The following EEF1AKMT1 variants were observed in gnomAD, a reference collection of about 807,000 sequenced individuals.
EEF1AKMT1 encodes the protein EEF1A lysine methyltransferase 1, also known as N-6 adenine-specific DNA methyltransferase 2 (putative).
EEF1AKMT1 carries 18 observed loss-of-function variants against 21.0 expected under a neutral mutation model. The ratio of observed to expected loss-of-function variants is 0.86; its 90% CI spans 0.59 to 1.27. The LOEUF (loss-of-function observed/expected upper bound fraction) is 1.27. Among genes scored for constraint, EEF1AKMT1 ranks in the 50% most tolerant of loss-of-function variants. The pLI is 0.00. For missense variants in EEF1AKMT1, 246 were observed against 258.6 expected (o/e 0.95, Z 0.33); for synonymous variants, 109 against 94.8 (o/e 1.15, Z -0.87).
rs1009601971 is a variant in EEF1AKMT1 at position 20,736,612 on chromosome 13, T to G, written c.227+1111A>C. ...AGGTTGCAGAGCCCTGGGAATAGGG[T>G]TTTTTTAAAAAAGAAGTTGAAATAT... On this transcript the variant is annotated intron_variant, in intron 3 of 4. Coordinates refer to ENST00000382758, the MANE Select transcript of EEF1AKMT1 (RefSeq NM_001318939.2). Among the ~76,000 whole-genome samples, 4 of 151,696 alleles carry G rather than the reference T, an allele frequency of 2.6e-5. No homozygotes were observed. The East Asian group carries it at 5.8e-4, about 22-fold the overall frequency.
At chr13:20,732,286 G>A (rs183671628) in intron 3 of EEF1AKMT1, among the ~76,000 whole-genome samples, 165 bp from the exon 4 acceptor site, 22 of 152,122 alleles carry the variant, frequency 1.4e-4, no homozygotes, top group African/African-American at 5.3e-4. Context: ...ACTTTATAGT[G>A]TCTCACTTTT....
At chr13:20,729,270 G>C (rs1386231858) in intron 4 of EEF1AKMT1, 54 bp from the exon 5 acceptor site, 1 of 1,609,922 alleles carries the variant, frequency 6.2e-7, no homozygotes, top group Non-Finnish European at 8.5e-7. Context: ...CCGGAGCTCA[G>C]TGCGTCCTGA....
intron 1 of EEF1AKMT1, among the ~76,000 whole-genome samples, chr13:20,772,891 G>A (rs1294567592): frequency 1.3e-5 from 2 of 152,192 alleles, no homozygotes; most frequent in Non-Finnish European, 2.9e-5. Context: ...ATTCTTGTGT[G>A]AAATTAGGTT....
intron 2 of EEF1AKMT1, among the ~76,000 whole-genome samples, chr13:20,738,811 A>T (rs2058844937): frequency 6.6e-6 from 1 of 152,238 alleles, no homozygotes. Flanking sequence ...AGTGGTTGCC[A>T]GGTGTTGGGA....
intron 4 of EEF1AKMT1, among the ~76,000 whole-genome samples, chr13:20,730,094 G>A (rs927784926): frequency 6.6e-6 from 1 of 152,234 alleles, no homozygotes; most frequent in Non-Finnish European, 1.5e-5. Flanking sequence ...GCAGATCCCT[G>A]GGTCTCTGTT....
chr13:20,738,844 C>T (rs1011148771), intron 2 of EEF1AKMT1, among the ~76,000 whole-genome samples: 3 of 152,186 alleles, frequency 2.0e-5, no homozygotes, highest in Admixed American at 6.5e-5. Flanking sequence ...TAGGAGGTGA[C>T]AGCTGAAAAA....
intron 2 of EEF1AKMT1, among the ~76,000 whole-genome samples, chr13:20,751,079 C>T (rs1449211283): frequency 2.6e-5 from 4 of 152,102 alleles, no homozygotes; most frequent in Non-Finnish European, 5.9e-5. Context: ...AGATACGAGT[C>T]CCTTGTCAGA....
chr13:20,738,436 G>A (rs1052910150), intron 2 of EEF1AKMT1, among the ~76,000 whole-genome samples: 3 of 152,188 alleles, frequency 2.0e-5, no homozygotes, highest in Non-Finnish European at 4.4e-5. Flanking sequence ...AATGGAAGAA[G>A]TAGCATGGTT....
Position 20,758,698 on chromosome 13 carries a change from G to A in EEF1AKMT1, c.-19-1081C>T, listed in dbSNP as rs925867870. ...CTAAAATTCATATGGAACTAAAAAAGAGAATGAATAGCCAAAGCAATCCTA... is the reference window on the plus strand; with the variant it reads ...CTAAAATTCATATGGAACTAAAAAAAAGAATGAATAGCCAAAGCAATCCTA... On this transcript the variant is annotated intron_variant, in intron 1 of 4. Transcript: ENST00000382758. Among the ~76,000 whole-genome samples the A allele has an allele frequency of 7.9e-5, 12 of 152,050 alleles. No homozygotes were observed. The East Asian group carries it at 2.3e-3, about 29-fold the overall frequency.
chr13:20,748,879 G>A (rs1012677940), intron 2 of EEF1AKMT1, among the ~76,000 whole-genome samples: 21 of 151,816 alleles, frequency 1.4e-4, no homozygotes, highest in African/African-American at 3.6e-4. Context: ...ACAGGCACGC[G>A]CCACCATACC....
At chr13:20,765,405 G>GTTTTTTTTTTTTTTTT (rs1171165259) in intron 1 of EEF1AKMT1, among the ~76,000 whole-genome samples, 5 of 58,700 alleles carry the variant, frequency 8.5e-5, no homozygotes, top group African/African-American at 1.5e-4. Flanking sequence ...CTTCCCTTGG[G>GTTTTTTTTTTTTTTTT]TTTTTTTTTT....
At chr13:20,764,961 C>T (rs1276855149) in intron 1 of EEF1AKMT1, among the ~76,000 whole-genome samples, 4 of 149,532 alleles carry the variant, frequency 2.7e-5, no homozygotes, top group Admixed American at 1.3e-4. Flanking sequence ...ATATAGTTTT[C>T]GTCTAAAAAA....
intron 3 of EEF1AKMT1, among the ~76,000 whole-genome samples, chr13:20,732,631 C>A (rs369118924): frequency 1.5e-4 from 23 of 152,228 alleles, no homozygotes; most frequent in African/African-American, 5.3e-4. Context: ...CCGCGCCTGG[C>A]CTATAGCTTA....
At chr13:20,758,498 TAAAC>T (rs1270317816) in intron 1 of EEF1AKMT1, among the ~76,000 whole-genome samples, 1 of 152,082 alleles carries the variant, frequency 6.6e-6, no homozygotes, top group African/African-American at 2.4e-5. Context: ...ATACATACAA[TAAAC>T]AAATTATGGC....
chr13:20,738,313 T>C (rs892597151), intron 2 of EEF1AKMT1, among the ~76,000 whole-genome samples: 1 of 152,258 alleles, frequency 6.6e-6, no homozygotes, highest in South Asian at 2.1e-4. Flanking sequence ...TGTTTTTCCC[T>C]TGGGGGCAAG....
intron 4 of EEF1AKMT1, among the ~76,000 whole-genome samples, chr13:20,730,021 G>T (rs1379147993): frequency 6.6e-6 from 1 of 152,230 alleles, no homozygotes; most frequent in Non-Finnish European, 1.5e-5. Context: ...CTCCTGCCCC[G>T]ACTCTGCCCT....
At chr13:20,744,520 CT>C (rs1316117756) in intron 2 of EEF1AKMT1, among the ~76,000 whole-genome samples, 1 of 152,186 alleles carries the variant, frequency 6.6e-6, no homozygotes, top group Non-Finnish European at 1.5e-5. Context: ...CCTTTGCCCA[CT>C]TTTTGATGGG....
intron 2 of EEF1AKMT1, among the ~76,000 whole-genome samples, chr13:20,748,861 C>T (rs1004025566): frequency 6.6e-6 from 1 of 150,664 alleles, no homozygotes; most frequent in Admixed American, 6.6e-5. Context: ...TCCCAAGTAG[C>T]TGGGACTACA....
intron 1 of EEF1AKMT1, among the ~76,000 whole-genome samples, chr13:20,766,025 C>A (rs749648195): frequency 6.6e-6 from 1 of 151,710 alleles, no homozygotes; most frequent in Admixed American, 6.6e-5. Flanking sequence ...AGAGGCTGGG[C>A]GTGGTGGCTC....
Sources: allele counts gnomAD v4.1 joint callset (sites outside exome capture counted in the v4.1 genomes callset), GRCh38; gene constraint gnomAD v4.1.1; transcripts MANE v1.5; gene names NCBI Gene and HGNC (gene_info 2026-07-23, HGNC 2026-07-21).